The following CPT1A variants were observed in gnomAD, a reference collection of about 807,000 sequenced individuals.
The protein encoded by CPT1A is carnitine O-palmitoyltransferase 1, liver isoform.
CPT1A carries 64 observed loss-of-function variants against 100.8 expected under a neutral mutation model. The observed-to-expected ratio is 0.63, with a 90% confidence interval of 0.52 to 0.78. The LOEUF (loss-of-function observed/expected upper bound fraction) is 0.78. Among genes scored for constraint, CPT1A ranks in the 30% least tolerant of loss-of-function variants. The probability of loss-of-function intolerance (pLI) is 0.00; values close to 1 mark genes in which losing one functional copy is unlikely to be tolerated. For synonymous variants in CPT1A, 363 were observed against 396.0 expected, an observed-to-expected ratio of 0.92 and a Z score of 0.99; for missense variants, 802 against 1,034.1, an observed-to-expected ratio of 0.78 and a Z score of 3.08.
At chr11:68,781,075 C>T (rs566846071) in intron 11 of CPT1A, among the ~76,000 whole-genome samples, 2 of 152,332 alleles carry the variant, frequency 1.3e-5, no homozygotes, top group South Asian at 4.1e-4. Flanking sequence ...CTTGGCTCCA[C>T]CCTGCAGGGG....
chr11:68,834,385 G>A (rs747330699), intron 1 of CPT1A, among the ~76,000 whole-genome samples: 2 of 151,972 alleles, frequency 1.3e-5, no homozygotes, highest in South Asian at 2.1e-4. Context: ...GCAGTGAGCC[G>A]AGATCATGCC....
Position 68,780,660 on chromosome 11 carries a change from T to C in CPT1A, c.1438A>G (p.Ile480Val). 1 of 1,614,202 alleles carries C rather than the reference T, an allele frequency of 6.2e-7. No homozygotes were observed. Among genetic ancestry groups the C allele is most frequent in the Non-Finnish European group, 8.5e-7 (1 of 1,180,026 alleles). Residue 480 changes from isoleucine to valine, a missense_variant, in exon 12 of 19, where the codon ATC becomes GTC. Transcript: ENST00000265641. ...NAEHSWADAP[I>V]VAHLWEYVMS... ...CTCACCTCCCAAAGGTGGGCCACGA[T>C]CGGCGCATCTGCCCAGGAGTGTTCA...
intron 1 of CPT1A, among the ~76,000 whole-genome samples, chr11:68,819,376 C>T (rs188402059): frequency 4.6e-5 from 7 of 152,176 alleles, no homozygotes; most frequent in African/African-American, 1.4e-4. Flanking sequence ...CACCACGCCC[C>T]GCCTCAAGGT....
intron 12 of CPT1A, among the ~76,000 whole-genome samples, chr11:68,777,531 G>A (rs1316780550): frequency 2.6e-5 from 4 of 152,218 alleles, no homozygotes; most frequent in Non-Finnish European, 5.9e-5. Context: ...TGTGAGACTA[G>A]GTCAGTCCCC....
intron 1 of CPT1A, among the ~76,000 whole-genome samples, chr11:68,838,572 T>TAAAAAAAAAAAAAAACAA (rs1675727000): frequency 3.1e-5 from 3 of 95,514 alleles, no homozygotes; most frequent in Admixed American, 2.6e-4. Flanking sequence ...TGCACCTTTT[T>TAAAAAAAAAAAAAAACAA]AAAAAAAAAA....
rs151217540 is a variant in CPT1A, at chr11:68,824,327, C to T, written c.-13-8840G>A. On this transcript the variant is annotated intron_variant, in intron 1 of 18. Coordinates refer to ENST00000265641, the MANE Select transcript of CPT1A (RefSeq NM_001876.4). ...CCAAAAGGGAAGGGAGGCAGCAGGG[C>T]AAGGGCTGAAAAATTACCTATCAGG... 5.0e-3 allele frequency among the ~76,000 whole-genome samples: 757 copies of T among 151,466 alleles called. 5 individuals carry two copies. Among genetic ancestry groups the T allele is most frequent in the African/African-American group, 0.015 (622 of 41,258 alleles).
chr11:68,815,243 G>C, intron 2 of CPT1A, 91 bp downstream of exon 2: 1 of 1,350,050 alleles, frequency 7.4e-7, no homozygotes, highest in South Asian at 1.2e-5. Flanking sequence ...GCAGTCGCCA[G>C]TCTGAAACAC....
At chr11:68,797,053 TA>T in intron 6 of CPT1A, 120 bp from the exon 7 acceptor site, 1 of 861,474 alleles carries the variant, frequency 1.2e-6, no homozygotes. Flanking sequence ...TTTCGGCGTC[TA>T]ACAGGGGCCA....
At chr11:68,781,569 G>A (rs1855311947) in intron 11 of CPT1A, among the ~76,000 whole-genome samples, 1 of 152,160 alleles carries the variant, frequency 6.6e-6, no homozygotes, top group African/African-American at 2.4e-5. Context: ...GCAGTGAGCC[G>A]AGATCAAGCC....
chr11:68,822,724 A>T (rs1357300057), intron 1 of CPT1A, among the ~76,000 whole-genome samples: 1 of 152,224 alleles, frequency 6.6e-6, no homozygotes, highest in Non-Finnish European at 1.5e-5. Context: ...AATGTGGTCC[A>T]TCCATACTGT....
rs1946682703 is a variant in CPT1A at position 68,755,806 on chromosome 11, G to GTA, written c.*1836_*1837dup. The GTA allele has an allele frequency of 6.9e-6, 1 of 145,856 alleles. No homozygotes were observed. Among genetic ancestry groups the GTA allele is most frequent in the South Asian group, 2.2e-4 (1 of 4,530 alleles). 9.0% of individuals were successfully genotyped at this position (145,856 alleles called of 1,614,324 possible). On this transcript the variant is annotated 3_prime_UTR_variant, in exon 19 of 19. Coordinates refer to ENST00000265641, the MANE Select transcript of CPT1A (RefSeq NM_001876.4). ...AAAGGTGGGATTTTTACATCATGAA[G>GTA]TATACATACATAAAACATGCATGTG...
chr11:68,834,599 A>G (rs1444718124), intron 1 of CPT1A, among the ~76,000 whole-genome samples: 1 of 152,200 alleles, frequency 6.6e-6, no homozygotes, highest in Non-Finnish European at 1.5e-5. Context: ...AAAAAATACA[A>G]AAATTAGCCA....
At chr11:68,827,245 C>T (rs550084865) in intron 1 of CPT1A, among the ~76,000 whole-genome samples, 18 of 152,198 alleles carry the variant, frequency 1.2e-4, no homozygotes, top group African/African-American at 4.3e-4. Context: ...AAGGGCGAGG[C>T]TCACACAAGC....
intron 1 of CPT1A, among the ~76,000 whole-genome samples, chr11:68,833,494 C>T (rs555667967): frequency 1.3e-4 from 20 of 152,372 alleles, no homozygotes; most frequent in African/African-American, 4.6e-4. Flanking sequence ...TGTTGGCTCA[C>T]GCCTGTAATC....
chr11:68,822,639 G>A (rs1594370304), intron 1 of CPT1A, among the ~76,000 whole-genome samples: 1 of 152,070 alleles, frequency 6.6e-6, no homozygotes. Context: ...ACAAAAGTCT[G>A]CACACGAACA....
chr11:68,839,991 C>T (rs543388665), intron 1 of CPT1A, among the ~76,000 whole-genome samples: 2 of 152,324 alleles, frequency 1.3e-5, no homozygotes, highest in East Asian at 3.9e-4. Flanking sequence ...TGTGCACTCC[C>T]AAACCTGGCC....
intron 10 of CPT1A, among the ~76,000 whole-genome samples, chr11:68,783,514 C>T (rs1054524672): frequency 1.3e-5 from 2 of 152,216 alleles, no homozygotes; most frequent in Admixed American, 6.5e-5. Context: ...GGCCCCTCCA[C>T]GCAGCACAGA....
At chr11:68,795,570 A>G (rs1206820097) in intron 7 of CPT1A, among the ~76,000 whole-genome samples, 1 of 152,160 alleles carries the variant, frequency 6.6e-6, no homozygotes, top group Non-Finnish European at 1.5e-5. Flanking sequence ...GGGAAAAAAA[A>G]AGTTAAGAGA....
intron 2 of CPT1A, 83 bp from the exon 3 acceptor site, chr11:68,812,659 C>A: frequency 6.5e-7 from 1 of 1,543,460 alleles, no homozygotes; most frequent in Non-Finnish European, 8.9e-7. Flanking sequence ...GGCAGCAGGG[C>A]TGCTGGGACA....
Sources: gnomAD v4.1 joint callset for allele counts (sites outside exome capture counted in the v4.1 genomes callset) on GRCh38, gnomAD v4.1.1 for gene constraint, MANE v1.5 for transcripts, NCBI Gene and HGNC (gene_info 2026-07-23, HGNC 2026-07-21) for gene names.